The following COPG1 variants were observed in gnomAD, a reference collection of about 807,000 sequenced individuals.
The protein encoded by COPG1 is coatomer subunit gamma-1.
In COPG1, 29 loss-of-function variants were observed where a neutral mutation model predicts 102.8. The ratio of observed to expected loss-of-function variants is 0.28; its 90% CI spans 0.21 to 0.38. The LOEUF (loss-of-function observed/expected upper bound fraction) is 0.38, where lower values mean the gene tolerates loss of function less well. COPG1 is among the 10% of genes least tolerant of loss of function. The pLI is 1.00. For missense variants in COPG1, 875 were observed against 1,132.7 expected (o/e 0.77, Z 3.27); for synonymous variants, 406 against 421.6 (o/e 0.96, Z 0.45).
Position 129,277,571 on chromosome 3 carries a change from C to T in COPG1, c.*147C>T, listed in dbSNP as rs979765949. 1 of 776,054 alleles carries T rather than the reference C, an allele frequency of 1.3e-6. No homozygotes were observed. The highest frequency in any genetic ancestry group is 1.8e-5 in the African/African-American group (1 of 56,698). 48.1% of individuals were successfully genotyped at this position (776,054 alleles called of 1,614,324 possible). ...TGCAGATTTTTTTTTATTCTGCTCCCACCTCCCACCCGGGACTACTTGCTG... is the reference window on the plus strand; with the variant it reads ...TGCAGATTTTTTTTTATTCTGCTCCTACCTCCCACCCGGGACTACTTGCTG... On this transcript the variant is annotated 3_prime_UTR_variant, in exon 24 of 24. Transcript: ENST00000314797.
At chr3:129,260,064 A>G (rs575819593) in intron 10 of COPG1, among the ~76,000 whole-genome samples, 1 of 152,316 alleles carries the variant, frequency 6.6e-6, no homozygotes, top group African/African-American at 2.4e-5. Context: ...GAAGTGAGGC[A>G]TGTCCACTGT....
Position 129,257,752 on chromosome 3 carries a change from A to G in COPG1, c.763A>G (p.Ile255Val). The G allele has an allele frequency of 1.2e-6, 2 of 1,614,122 alleles. No individual in the cohort carries two copies. Among genetic ancestry groups the G allele is most frequent in the Non-Finnish European group, 1.7e-6 (2 of 1,180,010 alleles). Residue 255 changes from isoleucine to valine, a missense_variant, in exon 10 of 24, where the codon ATC becomes GTC. Coordinates refer to ENST00000314797, the MANE Select transcript of COPG1 (RefSeq NM_016128.4). Reference sequence around the variant, plus strand: ...CCGTGACAGCCCACTGTTTGACTTCATCGAGAGCTGCTTGCGCAACAAGCA... The same window carrying G: ...CCGTGACAGCCCACTGTTTGACTTCGTCGAGAGCTGCTTGCGCAACAAGCA... ...GSRDSPLFDF[I>V]ESCLRNKHEM...
At chr3:129,260,556 A>G in intron 11 of COPG1, 63 bp from the exon 12 acceptor site, 2 of 1,578,176 alleles carry the variant, frequency 1.3e-6, no homozygotes, top group Non-Finnish European at 1.7e-6. Flanking sequence ...GACTGGGCCA[A>G]ACCATCAAAT....
In COPG1 at chr3:129,268,491, C is replaced by T. The variant is rs1237478112; in HGVS notation, c.1649-4C>T. 1 of 1,614,006 alleles carries T rather than the reference C, an allele frequency of 6.2e-7. No homozygotes were observed. The highest frequency in any genetic ancestry group is 1.7e-5 in the Admixed American group (1 of 59,998). The stretch of plus-strand genomic sequence containing the variant: ...CAGGCATGGTGACCTCTCTTCACCT[C>T]CAGGTCTGACTGTGTCCATCCCTGG... On this transcript the variant is annotated splice_polypyrimidine_tract_variant and splice_region_variant and intron_variant, in intron 16 of 23. Transcript: ENST00000314797.
intron 1 of COPG1, 39 bp downstream of exon 1, chr3:129,249,785 C>A (rs533307406): frequency 6.5e-7 from 1 of 1,531,368 alleles, no homozygotes; most frequent in Admixed American, 2.0e-5. Flanking sequence ...AGGCCGGACC[C>A]CCACCCGCCG....
In COPG1 at chr3:129,260,692, G is replaced by A. The variant is rs767858436; in HGVS notation, c.1013G>A (p.Arg338His). 4 of 1,613,992 alleles carry A rather than the reference G, an allele frequency of 2.5e-6. No individual in the cohort carries two copies. Among genetic ancestry groups the A allele is most frequent in the Admixed American group, 3.3e-5 (2 of 60,018 alleles). Residue 338 changes from arginine to histidine, a missense_variant, in exon 12 of 24, where the codon CGC (arginine) becomes CAC (histidine). Coordinates refer to ENST00000314797, the MANE Select transcript of COPG1 (RefSeq NM_016128.4). ...GAGAACCTGGTCACAGATTCAAACCGCAGCATTGCCACGCTGGCCATCACC... is the reference window on the plus strand; with the variant it reads ...GAGAACCTGGTCACAGATTCAAACCACAGCATTGCCACGCTGGCCATCACC... The part of the protein sequence containing the change: ...DLENLVTDSN[R>H]SIATLAITTL...
chr3:129,274,804 G>T, intron 21 of COPG1, 34 bp from the exon 22 acceptor site: 1 of 1,612,752 alleles, frequency 6.2e-7, no homozygotes, highest in Non-Finnish European at 8.5e-7. Context: ...TAGGTGTGTA[G>T]ATGGGTGCCT....
At chr3:129,264,716 A>G (rs542931453) in intron 13 of COPG1, among the ~76,000 whole-genome samples, 2 of 151,388 alleles carry the variant, frequency 1.3e-5, no homozygotes, top group Non-Finnish European at 1.5e-5. Flanking sequence ...ACTCCTGGCT[A>G]TAAGTGATCT....
intron 13 of COPG1, among the ~76,000 whole-genome samples, chr3:129,265,035 G>A (rs1940024459): frequency 6.6e-6 from 1 of 151,962 alleles, no homozygotes; most frequent in Non-Finnish European, 1.5e-5. Context: ...TGGTCAGGCT[G>A]GTCTCAAACT....
chr3:129,253,570 T>C (rs913158459), intron 5 of COPG1, among the ~76,000 whole-genome samples: 5 of 152,144 alleles, frequency 3.3e-5, no homozygotes, highest in African/African-American at 1.2e-4. Context: ...GGGTGTAATA[T>C]AGTTTATCAC....
intron 5 of COPG1, 80 bp from the exon 6 acceptor site, chr3:129,254,588 G>T: frequency 9.7e-7 from 1 of 1,027,556 alleles, no homozygotes; most frequent in South Asian, 1.4e-5. Context: ...TAGTAATCTG[G>T]GCAAGGGTGG....
intron 1 of COPG1, among the ~76,000 whole-genome samples, 165 bp downstream of exon 1, chr3:129,249,911 C>T (rs73862835): frequency 0.074 from 11,221 of 151,988 alleles, 1,317 homozygotes; most frequent in African/African-American, 0.25. Flanking sequence ...CGAGCATGCG[C>T]GGCTGTCTCA....
intron 4 of COPG1, 41 bp from the exon 5 acceptor site, chr3:129,252,835 G>GT (rs768248231): frequency 6.2e-7 from 1 of 1,602,548 alleles, no homozygotes; most frequent in South Asian, 1.1e-5. Context: ...CTGGCCCTTG[G>GT]TGAGCCCGGG....
intron 23 of COPG1, among the ~76,000 whole-genome samples, chr3:129,276,072 T>C (rs1461619439): frequency 1.3e-5 from 2 of 152,270 alleles, no homozygotes; most frequent in African/African-American, 4.8e-5. Flanking sequence ...CAAAGTGATT[T>C]GTGTTTCTCA....
intron 14 of COPG1, among the ~76,000 whole-genome samples, chr3:129,266,366 C>A (rs1940060865): frequency 6.6e-6 from 1 of 152,060 alleles, no homozygotes; most frequent in Non-Finnish European, 1.5e-5. Flanking sequence ...TGGGCTCAAG[C>A]TATCCTCCTG....
At chr3:129,258,012 TC>T in intron 10 of COPG1, 152 bp downstream of exon 10, 1 of 961,534 alleles carries the variant, frequency 1.0e-6, no homozygotes, top group African/African-American at 1.7e-5. Flanking sequence ...CTATGCTGAG[TC>T]CCCACTTGTA....
At chr3:129,265,500 C>CT in intron 13 of COPG1, 49 bp from the exon 14 acceptor site, 1 of 1,598,502 alleles carries the variant, frequency 6.3e-7, no homozygotes, top group Non-Finnish European at 8.5e-7. Context: ...GTCTTCAACT[C>CT]TTTTCTGGAG....
intron 6 of COPG1, 41 bp from the exon 7 acceptor site, chr3:129,254,944 A>G: frequency 6.5e-7 from 1 of 1,536,516 alleles, no homozygotes; most frequent in East Asian, 2.2e-5. Flanking sequence ...GCTGCCAAGG[A>G]CTGACTGGAT....
At chr3:129,266,897 C>A in intron 14 of COPG1, 127 bp from the exon 15 acceptor site, 1 of 756,340 alleles carries the variant, frequency 1.3e-6, no homozygotes, top group East Asian at 2.6e-5. Flanking sequence ...TGACTTTGGG[C>A]CTCCTGGCTT....
Sources: allele counts gnomAD v4.1 joint callset (sites outside exome capture counted in the v4.1 genomes callset), GRCh38; gene constraint gnomAD v4.1.1; transcripts MANE v1.5; gene names NCBI Gene and HGNC (gene_info 2026-07-23, HGNC 2026-07-21).